OPCML: variants seen among roughly 807,000 people sequenced by gnomAD.
OPCML encodes opioid binding protein/cell adhesion molecule like.
A neutral mutation model predicts 37.8 loss-of-function variants in OPCML; 13 were observed. The observed-to-expected ratio is 0.34, with a 90% CI of 0.22 to 0.55. OPCML has a LOEUF of 0.55. OPCML is among the 20% of genes least tolerant of loss of function. The pLI is 0.91. For synonymous variants in OPCML, 176 were observed against 168.8 expected, an observed-to-expected ratio of 1.04 and a Z score of -0.33; for missense variants, 341 against 435.6, an observed-to-expected ratio of 0.78 and a Z score of 1.93.
intron 1 of OPCML, among the ~76,000 whole-genome samples, chr11:133,509,726 T>C (rs1948112722): frequency 6.6e-6 from 1 of 152,204 alleles, no homozygotes; most frequent in Non-Finnish European, 1.5e-5. Context: ...TAGAAGGCAT[T>C]GGCTTCTCTC....
chr11:132,628,686 A>C (rs180970987), intron 3 of OPCML, among the ~76,000 whole-genome samples: 529 of 152,126 alleles, frequency 3.5e-3, no homozygotes, highest in Non-Finnish European at 6.2e-3. Context: ...CCCCAGCCAA[A>C]TCTCATCTTG....
intron 3 of OPCML, among the ~76,000 whole-genome samples, chr11:132,619,299 ATAT>A (rs369235873): frequency 2.2e-4 from 34 of 152,314 alleles, no homozygotes; most frequent in African/African-American, 8.2e-4. Context: ...GCATTACTAC[ATAT>A]ATCTTCCTAA....
At chr11:132,775,987 A>G (rs1421494557) in intron 2 of OPCML, among the ~76,000 whole-genome samples, 1 of 152,184 alleles carries the variant, frequency 6.6e-6, no homozygotes, top group Non-Finnish European at 1.5e-5. Flanking sequence ...GCTGGAGTGC[A>G]GTGGTGCGAT....
At chr11:132,816,112 T>C (rs4287347) in intron 2 of OPCML, among the ~76,000 whole-genome samples, 72,861 of 151,858 alleles carry the variant, frequency 0.48, 18,002 homozygotes, top group East Asian at 0.72. Flanking sequence ...GAAATAAGAG[T>C]AATATTGGAC....
intron 1 of OPCML, among the ~76,000 whole-genome samples, chr11:133,457,301 G>C (rs1440763181): frequency 6.6e-6 from 1 of 152,156 alleles, no homozygotes; most frequent in Non-Finnish European, 1.5e-5. Flanking sequence ...GGGAGCCCAA[G>C]GCAGAAGATC....
chr11:132,996,931 G>GC (rs1946899132), intron 1 of OPCML, among the ~76,000 whole-genome samples: 1 of 152,196 alleles, frequency 6.6e-6, no homozygotes, highest in South Asian at 2.1e-4. Context: ...GTCCTAAGGG[G>GC]CCGTCTCCTA....
At chr11:132,554,299 C>A (rs1449987570) in intron 3 of OPCML, among the ~76,000 whole-genome samples, 2 of 152,208 alleles carry the variant, frequency 1.3e-5, no homozygotes, top group Non-Finnish European at 2.9e-5. Context: ...ACTACAAAAT[C>A]TTTAGTTGGC....
At chr11:132,888,630 C>T (rs771677467) in intron 2 of OPCML, among the ~76,000 whole-genome samples, 1 of 151,978 alleles carries the variant, frequency 6.6e-6, no homozygotes, top group East Asian at 1.9e-4. Flanking sequence ...CTGTATTGTT[C>T]GTTTGTTTGT....
At position 133,516,120 on chromosome 11, in the gene OPCML, C is replaced by T. The variant is rs143821865; in HGVS notation, c.61+16144G>A. On this transcript the variant is annotated intron_variant, in intron 1 of 7. Coordinates refer to ENST00000524381, the MANE Select transcript of OPCML (RefSeq NM_001012393.5). ...GCAGGAGCCATGAGATCTGGGAGAGCTTGGGGACTGCGACCCCCGCAGAGG... is the reference window on the plus strand; with the variant it reads ...GCAGGAGCCATGAGATCTGGGAGAGTTTGGGGACTGCGACCCCCGCAGAGG... Among the ~76,000 whole-genome samples, 505 of 152,102 alleles carry T rather than the reference C, an allele frequency of 3.3e-3. 2 individuals are homozygous for T. Among genetic ancestry groups the T allele is most frequent in the African/African-American group, 0.012 (484 of 41,492 alleles).
At chr11:133,210,879 G>C (rs1435051339) in intron 1 of OPCML, among the ~76,000 whole-genome samples, 1 of 152,130 alleles carries the variant, frequency 6.6e-6, no homozygotes, top group Non-Finnish European at 1.5e-5. Flanking sequence ...ACAGAGGTGT[G>C]TGCGGTTAGA....
At position 133,316,589 on chromosome 11, in the gene OPCML, C is replaced by T. The variant is rs186767314; in HGVS notation, c.61+215675G>A. 4.8e-3 allele frequency among the ~76,000 whole-genome samples: 735 copies of T among 152,168 alleles called. 6 individuals are homozygous for T. Among genetic ancestry groups the T allele is most frequent in the African/African-American group, 0.017 (705 of 41,504 alleles). On this transcript the variant is annotated intron_variant, in intron 1 of 7. Transcript: ENST00000524381. ...GGCACATGTATACCTATGTAACAAA[C>T]CTGCACATTCTGCACATGTATTCCA...
At chr11:132,726,645 C>T (rs371157465) in intron 2 of OPCML, among the ~76,000 whole-genome samples, 23 of 151,908 alleles carry the variant, frequency 1.5e-4, no homozygotes, top group Non-Finnish European at 2.2e-4. Context: ...AAGAGTTGAG[C>T]GGGCAGCGTA....
chr11:132,621,954 A>G (rs1449511495), intron 3 of OPCML, among the ~76,000 whole-genome samples: 4 of 152,220 alleles, frequency 2.6e-5, no homozygotes, highest in African/African-American at 9.6e-5. Context: ...ACAAGAAAAG[A>G]ACTGGTTTCC....
intron 1 of OPCML, among the ~76,000 whole-genome samples, chr11:132,968,436 C>T (rs1302612973): frequency 6.6e-6 from 1 of 152,122 alleles, no homozygotes; most frequent in Non-Finnish European, 1.5e-5. Flanking sequence ...TGAGCATGCT[C>T]GCTTGGATCT....
chr11:132,581,946 G>A (rs986078486), intron 3 of OPCML, among the ~76,000 whole-genome samples: 4 of 151,996 alleles, frequency 2.6e-5, no homozygotes, highest in Non-Finnish European at 5.9e-5. Flanking sequence ...CGGAAACATG[G>A]GTAGAGTTGT....
At chr11:132,914,826 C>A (rs1032531522) in intron 2 of OPCML, among the ~76,000 whole-genome samples, 1 of 152,202 alleles carries the variant, frequency 6.6e-6, no homozygotes, top group East Asian at 1.9e-4. Context: ...GAATTCCATA[C>A]GCCATTACAC....
At chr11:133,209,288 C>T (rs1939252028) in intron 1 of OPCML, among the ~76,000 whole-genome samples, 1 of 152,170 alleles carries the variant, frequency 6.6e-6, no homozygotes, top group South Asian at 2.1e-4. Context: ...AGATGTTCAA[C>T]AATGATTTGC....
intron 1 of OPCML, among the ~76,000 whole-genome samples, chr11:133,483,346 T>TATAGATAGATAGATAGCTA (rs1555165553): frequency 2.3e-5 from 2 of 86,508 alleles, no homozygotes; most frequent in Non-Finnish European, 4.3e-5. Context: ...AGATAATAGA[T>TATAGATAGATAGATAGCTA]ATAGATAGAT....
At chr11:132,574,259 G>GT (rs1400106159) in intron 3 of OPCML, among the ~76,000 whole-genome samples, 4 of 137,258 alleles carry the variant, frequency 2.9e-5, no homozygotes, top group African/African-American at 8.3e-5. Context: ...TTTTTTTTTG[G>GT]TTTTTTTGTT....
Sources: allele counts gnomAD v4.1 joint callset (sites outside exome capture counted in the v4.1 genomes callset), GRCh38; gene constraint gnomAD v4.1.1; transcripts MANE v1.5; gene names NCBI Gene and HGNC (gene_info 2026-07-23, HGNC 2026-07-21).